PFKFB3: variants seen among roughly 807,000 people sequenced by gnomAD.
PFKFB3 encodes 6-phosphofructo-2-kinase/fructose-2,6-biphosphatase 3, also known as 6-phosphofructo-2-kinase/fructose-2,6-bisphosphatase 3.
PFKFB3 carries 33 observed loss-of-function variants against 68.0 expected under a neutral mutation model. The observed-to-expected ratio is 0.49, with a 90% CI of 0.37 to 0.65. The LOEUF (loss-of-function observed/expected upper bound fraction) is 0.65, where lower values mean the gene tolerates loss of function less well. Among genes scored for constraint, PFKFB3 ranks in the 30% least tolerant of loss-of-function variants. The pLI is 0.00. For synonymous variants in PFKFB3, 315 were observed against 288.2 expected (o/e 1.09, Z -0.94); for missense variants, 586 against 712.2 (o/e 0.82, Z 2.02).
At chr10:6,221,909 G>T (rs1353207439) in intron 10 of PFKFB3, among the ~76,000 whole-genome samples, 164 bp downstream of exon 10, 1 of 152,174 alleles carries the variant, frequency 6.6e-6, no homozygotes, top group Non-Finnish European at 1.5e-5. Context: ...CTAACAGCCT[G>T]GGGTGAAGTG....
At chr10:6,310,000 C>T in the PFKFB3 span, among the ~76,000 whole-genome samples, 5 of 152,134 alleles carry the variant, frequency 3.3e-5, no homozygotes, top group East Asian at 1.9e-4. Flanking sequence ...CTTGGATTGA[C>T]GGGCATTAGC....
At chr10:6,221,573 G>A (rs201926727) in intron 9 of PFKFB3, 46 bp downstream of exon 9, 72 of 1,612,038 alleles carry the variant, frequency 4.5e-5, no homozygotes, top group Non-Finnish European at 5.9e-5. Context: ...CGGGCATGGG[G>A]CGGCTTCCCA....
chr10:6,252,130 G>A (rs1382513539), intron 14 of PFKFB3, among the ~76,000 whole-genome samples: 2 of 152,224 alleles, frequency 1.3e-5, no homozygotes, highest in Non-Finnish European at 2.9e-5. Context: ...TTCCTACGGA[G>A]TGGCTAATAC....
At chr10:6,322,702 C>A in the PFKFB3 span, among the ~76,000 whole-genome samples, 186 of 152,320 alleles carry the variant, frequency 1.2e-3, 1 homozygote, top group East Asian at 0.016. Context: ...AATGGACTTT[C>A]CTTTCACCTG....
chr10:6,284,986 T>A, the PFKFB3 span, among the ~76,000 whole-genome samples: 2 of 152,244 alleles, frequency 1.3e-5, no homozygotes, highest in Admixed American at 6.5e-5. Context: ...CATTCATCTG[T>A]TGATGGACAT....
chr10:6,243,262 C>T (rs148328062), intron 14 of PFKFB3, among the ~76,000 whole-genome samples: 9 of 152,282 alleles, frequency 5.9e-5, no homozygotes, highest in East Asian at 3.9e-4. Context: ...AACTGCCGCA[C>T]GTCCCAAGCA....
the PFKFB3 span, among the ~76,000 whole-genome samples, chr10:6,288,715 A>G: frequency 6.6e-6 from 1 of 152,040 alleles, no homozygotes; most frequent in African/African-American, 2.4e-5. Context: ...TTGGGTATAT[A>G]CCCAGTAATG....
chr10:6,210,324 G>T (rs556764616), intron 1 of PFKFB3, among the ~76,000 whole-genome samples: 1 of 86,210 alleles, frequency 1.2e-5, no homozygotes, highest in African/African-American at 2.8e-5. Context: ...CACCTCAGGC[G>T]CCCCTCTCTT....
At chr10:6,293,363 G>A in the PFKFB3 span, 127 of 269,768 alleles carry the variant, frequency 4.7e-4, no homozygotes, top group East Asian at 1.1e-4. Flanking sequence ...TCTTTCTTTC[G>A]GAGATGGAGT....
At chr10:6,276,969 C>A in the PFKFB3 span, among the ~76,000 whole-genome samples, 5 of 152,056 alleles carry the variant, frequency 3.3e-5, no homozygotes, top group Admixed American at 2.0e-4. Flanking sequence ...CCTCATGCTA[C>A]CCCTCTAGAG....
chr10:6,174,448 G>A (rs765944721), intron 1 of PFKFB3, among the ~76,000 whole-genome samples: 23 of 152,226 alleles, frequency 1.5e-4, no homozygotes, highest in Admixed American at 1.3e-4. Context: ...TGGGACGCGG[G>A]CATCAGCTCA....
the PFKFB3 span, among the ~76,000 whole-genome samples, chr10:6,286,599 A>C: frequency 0.51 from 77,652 of 151,368 alleles, 22,649 homozygotes; most frequent in Non-Finnish European, 0.67. Flanking sequence ...GCTGGTCTCA[A>C]ACTTCTGACC....
At chr10:6,177,462 T>TTCTTTCTTTCTTTCTTTC (rs1842550465) in intron 1 of PFKFB3, among the ~76,000 whole-genome samples, 1 of 132,276 alleles carries the variant, frequency 7.6e-6, no homozygotes, top group South Asian at 2.6e-4. Flanking sequence ...CTTTCTTTCT[T>TTCTTTCTTTCTTTCTTTC]TCTTTCTTTC....
At chr10:6,200,669 G>T (rs1487453883), upstream of PFKFB3, among the ~76,000 whole-genome samples, 752 of 134,932 alleles carry the variant, frequency 5.6e-3, 40 homozygotes, top group Non-Finnish European at 9.3e-3. Flanking sequence ...CGGGGGGGGG[G>T]GGGGGGCGGG....
chr10:6,208,742 A>G (rs1407590030), intron 1 of PFKFB3, among the ~76,000 whole-genome samples: 1 of 152,228 alleles, frequency 6.6e-6, no homozygotes, highest in Admixed American at 6.5e-5. Flanking sequence ...AACTTAATCT[A>G]TCCGGGAGAG....
At chr10:6,281,170 T>TC in the PFKFB3 span, among the ~76,000 whole-genome samples, 16 of 123,252 alleles carry the variant, frequency 1.3e-4, 4 homozygotes, top group Non-Finnish European at 3.0e-4. Flanking sequence ...TTCCATCATA[T>TC]ATATATATAT....
intron 1 of PFKFB3, among the ~76,000 whole-genome samples, chr10:6,164,433 A>G (rs609587): frequency 0.21 from 31,299 of 152,218 alleles, 3,570 homozygotes; most frequent in Non-Finnish European, 0.26. Context: ...TAACCCAGAC[A>G]TGGCAGGACT....
chr10:6,178,794 G>A (rs1054603946), intron 1 of PFKFB3, among the ~76,000 whole-genome samples: 2 of 152,194 alleles, frequency 1.3e-5, no homozygotes, highest in African/African-American at 2.4e-5. Flanking sequence ...GGTGTGTCCA[G>A]CCCCACCTGC....
At chr10:6,183,515 G>A (rs866453803) in intron 1 of PFKFB3, among the ~76,000 whole-genome samples, 4 of 151,666 alleles carry the variant, frequency 2.6e-5, no homozygotes, top group African/African-American at 4.8e-5. Flanking sequence ...CTGGCCTGGT[G>A]TGGTGGCTCA....
Sources: gnomAD v4.1 joint callset for allele counts (sites outside exome capture counted in the v4.1 genomes callset) on GRCh38, gnomAD v4.1.1 for gene constraint, MANE v1.5 for transcripts, NCBI Gene and HGNC (gene_info 2026-07-23, HGNC 2026-07-21) for gene names.